The following ARHGAP12 variants were observed in gnomAD, a reference collection of about 807,000 sequenced individuals.
The protein encoded by ARHGAP12 is Rho GTPase activating protein 12.
A neutral mutation model predicts 108.6 loss-of-function variants in ARHGAP12; 64 were observed. That is an observed-to-expected ratio of 0.59 (90% CI 0.48 to 0.73). The LOEUF (loss-of-function observed/expected upper bound fraction) is 0.73, where lower values mean the gene tolerates loss of function less well. Ranked by LOEUF, ARHGAP12 falls within the 30% of genes least tolerant of loss-of-function variation. The pLI is 0.00. For synonymous variants in ARHGAP12, 312 were observed against 337.2 expected, an observed-to-expected ratio of 0.93 and a Z score of 0.82; for missense variants, 940 against 1,005.9, an observed-to-expected ratio of 0.93 and a Z score of 0.89.
At chr10:31,883,601 T>G (rs1390274888) in intron 3 of ARHGAP12, among the ~76,000 whole-genome samples, 1 of 152,220 alleles carries the variant, frequency 6.6e-6, no homozygotes, top group East Asian at 1.9e-4. Flanking sequence ...ACCGGAGACA[T>G]AAGTCTCACT....
chr10:31,863,124 T>G (rs929256252), intron 3 of ARHGAP12, among the ~76,000 whole-genome samples: 1 of 152,206 alleles, frequency 6.6e-6, no homozygotes, highest in Non-Finnish European at 1.5e-5. Flanking sequence ...TAGTTATACA[T>G]GTACTATATT....
intron 1 of ARHGAP12, among the ~76,000 whole-genome samples, chr10:31,917,168 G>GT (rs1839593400): frequency 7.3e-6 from 1 of 137,292 alleles, no homozygotes; most frequent in African/African-American, 3.6e-5. Context: ...CCAGCACTTT[G>GT]GGGGGCTGAG....
At chr10:31,882,069 T>C (rs975578606) in intron 3 of ARHGAP12, among the ~76,000 whole-genome samples, 1 of 151,762 alleles carries the variant, frequency 6.6e-6, no homozygotes, top group South Asian at 2.1e-4. Flanking sequence ...CGCCCGCCAC[T>C]ACGCCCGGCT....
Position 31,900,698 on chromosome 10 carries a change from G to A in ARHGAP12, c.684+7474C>T, listed in dbSNP as rs1471358421. ...ACTGGTTGCCAGAAGTGTGAGGGAA[G>A]GAAGGTGAAACACAGAGGATGTTAA... is the stretch of plus-strand genomic sequence containing the variant. On this transcript the variant is annotated intron_variant, in intron 3 of 19. Coordinates refer to ENST00000344936, the MANE Select transcript of ARHGAP12 (RefSeq NM_018287.7). Among the ~76,000 whole-genome samples the A allele has an allele frequency of 3.9e-5, 6 of 152,180 alleles. No homozygotes were observed. The East Asian group carries it at 1.2e-3, about 29-fold the overall frequency.
rs1175346716 is a variant in ARHGAP12, at chr10:31,889,514, T to A, written c.684+18658A>T. 3.9e-5 allele frequency among the ~76,000 whole-genome samples: 6 copies of A among 152,252 alleles called. No individual in the cohort carries two copies. In the East Asian group the frequency reaches 1.2e-3, roughly 29 times the overall value. ...TATTACTTTCTACTTTCTAAAAATG[T>A]TTTTAATAACTTTGAAAGTGTAAAA... On this transcript the variant is annotated intron_variant, in intron 3 of 19. Transcript: ENST00000344936.
At chr10:31,822,980 G>C (rs191758751) in intron 11 of ARHGAP12, among the ~76,000 whole-genome samples, 159 of 151,990 alleles carry the variant, frequency 1.0e-3, no homozygotes, top group African/African-American at 3.7e-3. Flanking sequence ...TTAGAAATTT[G>C]AAAGCATGTA....
intron 6 of ARHGAP12, among the ~76,000 whole-genome samples, chr10:31,844,697 CT>C (rs369721681): frequency 0.21 from 27,450 of 128,374 alleles, 1,982 homozygotes; most frequent in East Asian, 0.35. Flanking sequence ...GCACACTTGG[CT>C]TTTTTTTTTT....
intron 3 of ARHGAP12, among the ~76,000 whole-genome samples, chr10:31,883,613 C>T (rs1473620644): frequency 6.6e-6 from 1 of 152,152 alleles, no homozygotes. Context: ...AGTCTCACTT[C>T]TTGTCATTCC....
intron 1 of ARHGAP12, among the ~76,000 whole-genome samples, chr10:31,912,804 T>C (rs1426368395): frequency 6.6e-6 from 1 of 151,708 alleles, no homozygotes; most frequent in Admixed American, 6.6e-5. Flanking sequence ...ATTATAAACA[T>C]GCAGAAAGCC....
intron 1 of ARHGAP12, among the ~76,000 whole-genome samples, chr10:31,925,889 CATT>C (rs142413978): frequency 0.028 from 4,223 of 152,300 alleles, 105 homozygotes; most frequent in Non-Finnish European, 0.045. Flanking sequence ...TAAAATATCT[CATT>C]AATAATTTTC....
chr10:31,910,385 C>A (rs188499569), intron 2 of ARHGAP12, 140 bp downstream of exon 2: 2 of 152,298 alleles, frequency 1.3e-5, no homozygotes, highest in East Asian at 3.9e-4. Flanking sequence ...ACAATCTTCT[C>A]TATGACAGAT....
intron 1 of ARHGAP12, among the ~76,000 whole-genome samples, 194 bp downstream of exon 1, chr10:31,928,489 G>A (rs1413557782): frequency 9.4e-5 from 14 of 148,992 alleles, no homozygotes; most frequent in African/African-American, 3.3e-4. Context: ...CCCGCGCCCA[G>A]AGCCCCTCGC....
chr10:31,817,752 T>A, intron 13 of ARHGAP12, 36 bp downstream of exon 13: 1 of 1,395,146 alleles, frequency 7.2e-7, no homozygotes, highest in Non-Finnish European at 9.8e-7. Context: ...GAAAAACAGC[T>A]CTGAAGTAAA....
intron 1 of ARHGAP12, among the ~76,000 whole-genome samples, chr10:31,911,671 T>A (rs1159408027): frequency 6.6e-6 from 1 of 152,152 alleles, no homozygotes; most frequent in Non-Finnish European, 1.5e-5. Context: ...TGGCATAAGC[T>A]TAACCAAATG....
chr10:31,883,872 C>T (rs1838087391), intron 3 of ARHGAP12, among the ~76,000 whole-genome samples: 1 of 151,890 alleles, frequency 6.6e-6, no homozygotes, highest in Non-Finnish European at 1.5e-5. Flanking sequence ...CCCCAATGCC[C>T]AGCTAATTTT....
At chr10:31,869,614 ATC>A (rs1837466235) in intron 3 of ARHGAP12, among the ~76,000 whole-genome samples, 1 of 152,162 alleles carries the variant, frequency 6.6e-6, no homozygotes, top group Admixed American at 6.5e-5. Context: ...TATGGGTTAT[ATC>A]TGTCATTAAT....
At chr10:31,817,455 A>C (rs949273194) in intron 13 of ARHGAP12, among the ~76,000 whole-genome samples, 13 of 152,236 alleles carry the variant, frequency 8.5e-5, no homozygotes, top group African/African-American at 3.1e-4. Flanking sequence ...TTCTTCCACC[A>C]AATAGTATTA....
In ARHGAP12 at chr10:31,854,089, T is replaced by C. The variant is rs375273368; in HGVS notation, c.1066A>G (p.Thr356Ala). The change falls in exon 5 of 20, where the codon ACC becomes GCC. Residue 356 changes from threonine to alanine, a missense_variant. Coordinates refer to ENST00000344936, the MANE Select transcript of ARHGAP12 (RefSeq NM_018287.7). ...ACCTTTTCATTAGTATAGTCACTGG[T>C]ATATAAGGTATGCCCACGTTCATCC... ...ELDERGHTLY[T>A]SDYTNEKWLK... is the part of the protein sequence containing the mutation. The C allele has an allele frequency of 1.2e-4, 199 of 1,612,678 alleles. 1 individual carries two copies. The highest frequency in any genetic ancestry group is 1.5e-4 in the Non-Finnish European group (177 of 1,179,630).
chr10:31,820,534 A>G, intron 11 of ARHGAP12, 46 bp from the exon 12 acceptor site: 13 of 1,096,762 alleles, frequency 1.2e-5, no homozygotes, highest in African/African-American at 1.6e-5. Context: ...ATACTCACAT[A>G]TATGTGTATT....
Sources: allele counts gnomAD v4.1 joint callset (sites outside exome capture counted in the v4.1 genomes callset), GRCh38; gene constraint gnomAD v4.1.1; transcripts MANE v1.5; gene names NCBI Gene and HGNC (gene_info 2026-07-23, HGNC 2026-07-21).